TRHDE: variants seen among roughly 807,000 people sequenced by gnomAD.
The protein encoded by TRHDE is thyrotropin releasing hormone degrading enzyme.
Under a neutral mutation model 125.7 loss-of-function variants are expected in TRHDE, and 72 were observed. The observed-to-expected ratio is 0.57, with a 90% CI of 0.47 to 0.70. TRHDE has a LOEUF of 0.70. TRHDE is among the 30% of genes least tolerant of loss of function. The probability of loss-of-function intolerance (pLI) is 0.00; values close to 1 mark genes in which losing one functional copy is unlikely to be tolerated. For synonymous variants in TRHDE, 509 were observed against 509.1 expected (o/e 1.00, Z 0.00); for missense variants, 1,110 against 1,327.1 (o/e 0.84, Z 2.54).
intron 15 of TRHDE, among the ~76,000 whole-genome samples, chr12:72,621,962 A>C (rs1019720266): frequency 3.3e-5 from 5 of 152,146 alleles, no homozygotes; most frequent in Admixed American, 6.6e-5. Context: ...CTTTATGCTA[A>C]CTTTATTAAT....
chr12:72,461,850 T>C (rs1323786273), intron 3 of TRHDE, among the ~76,000 whole-genome samples: 1 of 152,172 alleles, frequency 6.6e-6, no homozygotes, highest in African/African-American at 2.4e-5. Flanking sequence ...CTATGATGCA[T>C]TCAATTCCCC....
intron 9 of TRHDE, among the ~76,000 whole-genome samples, chr12:72,564,012 T>C (rs1045603097): frequency 2.6e-4 from 39 of 152,202 alleles, no homozygotes; most frequent in Non-Finnish European, 7.3e-5. Flanking sequence ...TGTTCTCCTG[T>C]AGGCTGGCTC....
chr12:72,373,898 C>T (rs1871742887), intron 2 of TRHDE, among the ~76,000 whole-genome samples: 1 of 152,130 alleles, frequency 6.6e-6, no homozygotes, highest in African/African-American at 2.4e-5. Context: ...CTTGTAAAAA[C>T]CTTGGCTTCT....
At chr12:72,563,127 TC>T in intron 9 of TRHDE, 87 bp downstream of exon 9, 1 of 1,011,000 alleles carries the variant, frequency 9.9e-7, no homozygotes, top group Non-Finnish European at 1.4e-6. Flanking sequence ...ATAACAAAAT[TC>T]TGAAATATTG....
intron 15 of TRHDE, among the ~76,000 whole-genome samples, chr12:72,638,443 C>A (rs1365710209): frequency 2.6e-5 from 4 of 151,820 alleles, no homozygotes; most frequent in Admixed American, 2.0e-4. Flanking sequence ...ACTGATGGGT[C>A]TTGACTCTTT....
chr12:72,296,732 G>A (rs111587458), intron 2 of TRHDE, among the ~76,000 whole-genome samples: 1,552 of 152,174 alleles, frequency 0.01, 26 homozygotes, highest in African/African-American at 0.036. Flanking sequence ...TATTAGAGTC[G>A]AGGAGTTTAA....
chr12:72,188,971 C>A (rs1877284812), intron 2 of TRHDE, among the ~76,000 whole-genome samples: 1 of 152,144 alleles, frequency 6.6e-6, no homozygotes. Flanking sequence ...GCCATTTAAG[C>A]AACTTATTTT....
intron 17 of TRHDE, 142 bp downstream of exon 17, chr12:72,653,298 C>T (rs780772267): frequency 1.6e-5 from 8 of 505,092 alleles, no homozygotes; most frequent in Non-Finnish European, 2.6e-5. Flanking sequence ...TTGCCACTCC[C>T]GTGGAACTCC....
At chr12:72,516,681 G>A (rs1474750516) in intron 6 of TRHDE, among the ~76,000 whole-genome samples, 1 of 150,874 alleles carries the variant, frequency 6.6e-6, no homozygotes, top group African/African-American at 2.4e-5. Context: ...CCAACACTAT[G>A]TTGAATAGGA....
chr12:72,325,388 G>A (rs962560006), intron 2 of TRHDE, among the ~76,000 whole-genome samples: 55 of 152,148 alleles, frequency 3.6e-4, no homozygotes, highest in African/African-American at 1.3e-3. Context: ...GAAAAATTTA[G>A]AGAAAGAAAG....
intron 2 of TRHDE, among the ~76,000 whole-genome samples, chr12:72,292,907 G>A (rs1372141148): frequency 6.6e-6 from 1 of 152,118 alleles, no homozygotes; most frequent in Non-Finnish European, 1.5e-5. Context: ...AGAGTAGTGT[G>A]AGCATGAAAA....
intron 12 of TRHDE, among the ~76,000 whole-genome samples, chr12:72,616,764 A>G (rs1872832851): frequency 1.3e-5 from 2 of 152,162 alleles, no homozygotes; most frequent in African/African-American, 4.8e-5. Flanking sequence ...TTTTTTAAAA[A>G]TACATTACTT....
chr12:72,662,810 T>G lies in TRHDE; in HGVS notation c.3067-242T>G, dbSNP rs1592602707. Among the ~76,000 whole-genome samples, 6 of 152,292 alleles carry G rather than the reference T, an allele frequency of 3.9e-5. No homozygotes were observed. In the South Asian group the frequency reaches 1.2e-3, roughly 32 times the overall value. Reference sequence around the variant, plus strand: ...GAATTTGGAGCTATTTAAGTTGTAATGTCCACTGTTTTTTTTCTGTTCCAA... The same window carrying G: ...GAATTTGGAGCTATTTAAGTTGTAAGGTCCACTGTTTTTTTTCTGTTCCAA... On this transcript the variant is annotated intron_variant, in intron 18 of 18. Transcript: ENST00000261180.
At chr12:72,649,976 T>C (rs1874439380) in intron 15 of TRHDE, among the ~76,000 whole-genome samples, 1 of 152,128 alleles carries the variant, frequency 6.6e-6, no homozygotes, top group Non-Finnish European at 1.5e-5. Flanking sequence ...TATGGAATGT[T>C]CTCAAAAAAC....
intron 2 of TRHDE, among the ~76,000 whole-genome samples, chr12:72,225,788 C>T (rs954270371): frequency 2.2e-4 from 34 of 152,040 alleles, no homozygotes; most frequent in African/African-American, 7.0e-4. Context: ...GCCATTAAAA[C>T]GGGGCCAGGA....
intron 12 of TRHDE, among the ~76,000 whole-genome samples, chr12:72,580,441 ATTTGTTT>A (rs1194900841): frequency 6.6e-6 from 1 of 152,008 alleles, no homozygotes; most frequent in East Asian, 1.9e-4. Flanking sequence ...GGGTGTTTGT[ATTTGTTT>A]TTTGTTTTTT....
intron 3 of TRHDE, among the ~76,000 whole-genome samples, chr12:72,390,791 A>G (rs2135790678): frequency 6.6e-6 from 1 of 152,262 alleles, no homozygotes; most frequent in South Asian, 2.1e-4. Context: ...TACATTTTGC[A>G]TTGAAGTCTT....
At chr12:72,338,373 TG>T in intron 2 of TRHDE, among the ~76,000 whole-genome samples, 1 of 152,332 alleles carries the variant, frequency 6.6e-6, no homozygotes, top group East Asian at 1.9e-4. Flanking sequence ...TTGTAGCACT[TG>T]GTAATTTTTA....
chr12:72,297,584 A>T (rs1402636270), intron 2 of TRHDE, among the ~76,000 whole-genome samples: 2 of 152,326 alleles, frequency 1.3e-5, no homozygotes, highest in East Asian at 1.9e-4. Flanking sequence ...TCATGAAAAA[A>T]GTTCAAGAGT....
Sources: gnomAD v4.1 joint callset for allele counts (sites outside exome capture counted in the v4.1 genomes callset) on GRCh38, gnomAD v4.1.1 for gene constraint, MANE v1.5 for transcripts, NCBI Gene and HGNC (gene_info 2026-07-23, HGNC 2026-07-21) for gene names.